Variants in ASB15 observed in about 807,000 individuals in gnomAD.
ASB15 encodes the protein ankyrin repeat and SOCS box protein 15.
ASB15 carries 54 observed loss-of-function variants against 58.0 expected under a neutral mutation model. The observed-to-expected ratio is 0.93, with a 90% CI of 0.75 to 1.17. ASB15 has a LOEUF of 1.17. Among genes scored for constraint, ASB15 ranks in the 50% most tolerant of loss-of-function variants. ASB15 has a pLI of 0.00. For missense variants in ASB15, 680 were observed against 707.4 expected (o/e 0.96, Z 0.44); for synonymous variants, 249 against 262.4 (o/e 0.95, Z 0.50).
chr7:123,629,882 G>C, intron 10 of ASB15, 84 bp from the exon 11 acceptor site: 5 of 974,206 alleles, frequency 5.1e-6, no homozygotes, highest in Non-Finnish European at 6.0e-6. Context: ...TAGTAAAACA[G>C]AGTAATTTTT....
At chr7:123,619,456 T>C (rs1413426078) in intron 7 of ASB15, among the ~76,000 whole-genome samples, 1 of 152,166 alleles carries the variant, frequency 6.6e-6, no homozygotes, top group Non-Finnish European at 1.5e-5. Flanking sequence ...GCAGGTGTTC[T>C]GCCCCGATAC....
intron 3 of ASB15, among the ~76,000 whole-genome samples, chr7:123,609,498 C>A (rs972971823): frequency 1.3e-5 from 2 of 152,126 alleles, no homozygotes; most frequent in Non-Finnish European, 2.9e-5. Flanking sequence ...GACACAGAGC[C>A]CTTCCTTGCA....
At chr7:123,599,648 G>A (rs1324987970), upstream of ASB15, among the ~76,000 whole-genome samples, 1 of 152,172 alleles carries the variant, frequency 6.6e-6, no homozygotes, top group Non-Finnish European at 1.5e-5. Context: ...ATAGAAATAG[G>A]TGGGTCCAAG....
At chr7:123,621,207 G>A (rs567205348) in intron 7 of ASB15, among the ~76,000 whole-genome samples, 1 of 152,192 alleles carries the variant, frequency 6.6e-6, no homozygotes, top group South Asian at 2.1e-4. Context: ...CTAAAGTGTA[G>A]GAAAGGAACT....
At chr7:123,614,992 G>C (rs1379042939) in intron 4 of ASB15, among the ~76,000 whole-genome samples, 1 of 152,178 alleles carries the variant, frequency 6.6e-6, no homozygotes, top group African/African-American at 2.4e-5. Flanking sequence ...AGCTCATTCT[G>C]CTACTGATAC....
chr7:123,622,361 C>T (rs1801387732), intron 7 of ASB15, among the ~76,000 whole-genome samples: 1 of 152,018 alleles, frequency 6.6e-6, no homozygotes. Context: ...ATTTATGTTA[C>T]ACCAATACTG....
intron 2 of ASB15, among the ~76,000 whole-genome samples, chr7:123,607,100 G>A (rs1033138474): frequency 1.2e-4 from 18 of 152,298 alleles, no homozygotes; most frequent in African/African-American, 4.3e-4. Context: ...TACTTAGCTT[G>A]ATAGTGGTGA....
chr7:123,604,084 T>C lies in ASB15; in HGVS notation c.-192T>C, dbSNP rs1456469325. On this transcript the variant is annotated 5_prime_UTR_variant, in exon 2 of 12. Coordinates refer to ENST00000451215, the MANE Select transcript of ASB15 (RefSeq NM_001290258.2). The stretch of plus-strand genomic sequence containing the variant: ...GAGGCCATCTTATAGGAAGAGCAGT[T>C]GTCCAGCCTCTGGAAGAAAAAGCTC... The C allele has an allele frequency of 6.6e-6, 1 of 152,266 alleles. No homozygotes were observed. Among genetic ancestry groups the C allele is most frequent in the Non-Finnish European group, 1.5e-5 (1 of 68,100 alleles). The allele number at this position is 152,266 out of a possible 1,614,324, so 9.4% of individuals were successfully genotyped here.
At chr7:123,602,378 T>TA (rs1255220286) in intron 1 of ASB15, among the ~76,000 whole-genome samples, 4 of 152,158 alleles carry the variant, frequency 2.6e-5, no homozygotes, top group African/African-American at 4.8e-5. Flanking sequence ...GTTAGATTTT[T>TA]TAAAAAATAA....
At chr7:123,577,902 A>C (rs1017349834) in intron 1 of ASB15, among the ~76,000 whole-genome samples, 1 of 151,954 alleles carries the variant, frequency 6.6e-6, no homozygotes, top group African/African-American at 2.4e-5. Context: ...TTACTTTTTT[A>C]AAAATTATAC....
intron 3 of ASB15, among the ~76,000 whole-genome samples, chr7:123,611,982 G>T (rs1461454311): frequency 6.6e-6 from 1 of 151,582 alleles, no homozygotes; most frequent in Non-Finnish European, 1.5e-5. Flanking sequence ...AAAAAAAAAC[G>T]TTAAAATAAA....
intron 1 of ASB15, among the ~76,000 whole-genome samples, chr7:123,571,534 C>A (rs2116270891): frequency 6.6e-6 from 1 of 152,208 alleles, no homozygotes; most frequent in Admixed American, 6.5e-5. Flanking sequence ...TCCAGTTTAT[C>A]TTTTTATTTG....
chr7:123,576,789 C>G (rs778733533), intron 1 of ASB15, among the ~76,000 whole-genome samples: 6 of 152,176 alleles, frequency 3.9e-5, no homozygotes, highest in Non-Finnish European at 7.4e-5. Context: ...TGTCTAAGAT[C>G]TGCTGCCACT....
chr7:123,603,849 C>T (rs914033116), intron 1 of ASB15, among the ~76,000 whole-genome samples, 183 bp from the exon 2 acceptor site: 2 of 152,092 alleles, frequency 1.3e-5, no homozygotes, highest in Admixed American at 1.3e-4. Context: ...GGGTCTAAAT[C>T]AAGTCTGTAA....
chr7:123,615,868 G>A (rs1406052157), intron 4 of ASB15, among the ~76,000 whole-genome samples: 1 of 152,124 alleles, frequency 6.6e-6, no homozygotes, highest in African/African-American at 2.4e-5. Context: ...ATCCAGAAAG[G>A]CTAATTGGCC....
intron 1 of ASB15, 95 bp from the exon 2 acceptor site, chr7:123,603,937 C>T (rs1388526116): frequency 1.3e-5 from 2 of 152,162 alleles, no homozygotes; most frequent in Non-Finnish European, 2.9e-5. Flanking sequence ...AACACTTAAA[C>T]TTGTGTTGGT....
chr7:123,613,844 G>C (rs1369616542), intron 3 of ASB15, among the ~76,000 whole-genome samples: 1 of 152,136 alleles, frequency 6.6e-6, no homozygotes, highest in Non-Finnish European at 1.5e-5. Flanking sequence ...AGGAGTTTGA[G>C]ACCAGCCTGG....
Position 123,573,880 on chromosome 7 carries a change from T to C in ASB15, c.-443+6792T>C, listed in dbSNP as rs571848967. 3.9e-5 allele frequency among the ~76,000 whole-genome samples: 6 copies of C among 152,226 alleles called. No individual in the cohort carries two copies. In the East Asian group the frequency reaches 1.2e-3, roughly 29 times the overall value. On this transcript the variant is annotated intron_variant, in intron 1 of 13. Coordinates refer to the ASB15 transcript ENST00000451558. Reference sequence around the variant, plus strand: ...TTATTTTTAGCATGATTGGGTCTTATTAATTAAAAAAAAACTACCATTGTC... The same window carrying C: ...TTATTTTTAGCATGATTGGGTCTTACTAATTAAAAAAAAACTACCATTGTC...
rs184810488 is a variant in ASB15, at chr7:123,639,337, C to G, written c.*2356C>G. ...ATATTTAATTGCAACATCTTGTATACAAGATTTTATTATTCTTGTGTTGCA... is the reference window on the plus strand; with the variant it reads ...ATATTTAATTGCAACATCTTGTATAGAAGATTTTATTATTCTTGTGTTGCA... On this transcript the variant is annotated 3_prime_UTR_variant, in exon 12 of 12. Transcript: ENST00000451215. 6.6e-6 allele frequency: 1 copy of G among 152,024 alleles called. No homozygotes were observed. Among genetic ancestry groups the G allele is most frequent in the East Asian group, 1.9e-4 (1 of 5,182 alleles). 9.4% of individuals were successfully genotyped at this position (152,024 alleles called of 1,614,324 possible).
Sources: allele counts gnomAD v4.1 joint callset (sites outside exome capture counted in the v4.1 genomes callset), GRCh38; gene constraint gnomAD v4.1.1; transcripts MANE v1.5; gene names NCBI Gene and HGNC (gene_info 2026-07-23, HGNC 2026-07-21).